TPRG1: variants seen among roughly 807,000 people sequenced by gnomAD.
TPRG1 encodes the protein tumor protein p63-regulated gene 1 protein.
A neutral mutation model predicts 29.3 loss-of-function variants in TPRG1; 29 were observed. That is an observed-to-expected ratio of 0.99 (90% confidence interval 0.74 to 1.35). The LOEUF is 1.35. Among genes scored for constraint, TPRG1 ranks in the 40% most tolerant of loss-of-function variants. The probability of loss-of-function intolerance (pLI) is 0.00; values close to 1 mark genes in which losing one functional copy is unlikely to be tolerated. For synonymous variants in TPRG1, 130 were observed against 116.8 expected, an observed-to-expected ratio of 1.11 and a Z score of -0.73; for missense variants, 327 against 335.0, an observed-to-expected ratio of 0.98 and a Z score of 0.19.
chr3:189,035,488 T>A (rs1714203642), intron 4 of TPRG1, among the ~76,000 whole-genome samples: 2 of 152,090 alleles, frequency 1.3e-5, no homozygotes, highest in African/African-American at 4.8e-5. Flanking sequence ...AAACTGTCAA[T>A]AAACAGGCAT....
intron 4 of TPRG1, among the ~76,000 whole-genome samples, chr3:189,150,042 C>T (rs541751798): frequency 3.3e-4 from 51 of 152,326 alleles, no homozygotes; most frequent in African/African-American, 1.2e-3. Flanking sequence ...ATTCGATAAA[C>T]AATAACCCAG....
chr3:189,303,224 TA>T (rs1246334703), intron 4 of TPRG1, among the ~76,000 whole-genome samples: 2 of 152,202 alleles, frequency 1.3e-5, no homozygotes, highest in African/African-American at 4.8e-5. Flanking sequence ...TTTTTTTGGA[TA>T]ACTTTATTAA....
At chr3:189,048,716 C>T (rs935337472) in intron 4 of TPRG1, among the ~76,000 whole-genome samples, 10 of 152,112 alleles carry the variant, frequency 6.6e-5, no homozygotes, top group African/African-American at 1.9e-4. Context: ...ACCTCCAGAT[C>T]GACTGCAAGA....
chr3:189,022,086 C>T (rs1185221081), intron 3 of TPRG1, among the ~76,000 whole-genome samples: 2 of 152,044 alleles, frequency 1.3e-5, no homozygotes, highest in African/African-American at 2.4e-5. Context: ...GCTCCATCAG[C>T]TCCTTTAAGC....
At chr3:189,049,773 G>A (rs1715200274) in intron 4 of TPRG1, among the ~76,000 whole-genome samples, 1 of 152,192 alleles carries the variant, frequency 6.6e-6, no homozygotes. Flanking sequence ...CACCAGAAAA[G>A]GTGCTGGTAT....
chr3:189,292,299 T>C (rs1260175605), intron 4 of TPRG1, among the ~76,000 whole-genome samples: 1 of 151,652 alleles, frequency 6.6e-6, no homozygotes, highest in Non-Finnish European at 1.5e-5. Flanking sequence ...TTGCTTTTTT[T>C]TTTTTTTTTG....
rs60789349 is a variant in TPRG1 at position 189,148,409 on chromosome 3, C to T, written c.-227+762C>T. ...ATAAGTACTATTTTAAGAAAAGGTG[C>T]CGAGTGTTATCAAAGCAGAGGACCT... On this transcript the variant is annotated intron_variant, in intron 4 of 6. Coordinates refer to the TPRG1 transcript ENST00000412373. Among the ~76,000 whole-genome samples, 1,427 of 152,252 alleles carry T rather than the reference C, an allele frequency of 9.4e-3. 21 individuals carry two copies. The highest frequency in any genetic ancestry group is 0.032 in the African/African-American group (1,341 of 41,528).
chr3:189,068,706 G>A (rs1716619289), intron 4 of TPRG1, among the ~76,000 whole-genome samples: 1 of 152,164 alleles, frequency 6.6e-6, no homozygotes, highest in African/African-American at 2.4e-5. Flanking sequence ...AACCTGGGAG[G>A]CGGAGGTTGC....
At chr3:189,201,091 C>A (rs1015456618) in intron 1 of TPRG1, among the ~76,000 whole-genome samples, 1 of 152,190 alleles carries the variant, frequency 6.6e-6, no homozygotes, top group Non-Finnish European at 1.5e-5. Context: ...CCGCACCAGA[C>A]ACCGATGTGC....
At chr3:189,288,333 T>C (rs1407865320) in intron 4 of TPRG1, among the ~76,000 whole-genome samples, 1 of 152,192 alleles carries the variant, frequency 6.6e-6, no homozygotes, top group Non-Finnish European at 1.5e-5. Flanking sequence ...AGTGAGATTG[T>C]TGTGAGAAGT....
chr3:189,207,185 G>A (rs1032530042), intron 1 of TPRG1, 191 bp from the exon 2 acceptor site: 9 of 984,454 alleles, frequency 9.1e-6, no homozygotes, highest in Admixed American at 6.2e-5. Flanking sequence ...AAATGACCTT[G>A]CAGGATTGTG....
At chr3:189,285,552 C>G (rs1365349547) in intron 4 of TPRG1, among the ~76,000 whole-genome samples, 3 of 152,216 alleles carry the variant, frequency 2.0e-5, no homozygotes, top group African/African-American at 7.2e-5. Context: ...GATTATTAGA[C>G]TAATGTCCAT....
chr3:189,088,616 T>G (rs1308959465), intron 4 of TPRG1, among the ~76,000 whole-genome samples: 2 of 152,218 alleles, frequency 1.3e-5, no homozygotes, highest in Non-Finnish European at 2.9e-5. Flanking sequence ...TTCAGTTACT[T>G]ACAAATGTAA....
chr3:189,258,557 A>G (rs1299214752), intron 4 of TPRG1, among the ~76,000 whole-genome samples: 3 of 152,186 alleles, frequency 2.0e-5, no homozygotes, highest in Non-Finnish European at 4.4e-5. Flanking sequence ...TGCTCTCGTC[A>G]GAGCTGGCAG....
At position 189,215,298 on chromosome 3, in the gene TPRG1, G is replaced by T. The variant is rs780442896; in HGVS notation, c.217G>T (p.Ala73Ser). The change falls in exon 3 of 6, where the codon GCC becomes TCC. Residue 73 changes from alanine to serine, a missense_variant. Ala to Ser is a moderately conservative substitution (Grantham distance 99). Coordinates refer to ENST00000345063, the MANE Select transcript of TPRG1 (RefSeq NM_198485.4). ...TTTTCTCCTTTCCACACAGCCGGGG[G>T]CCATTGAGACTGCCATGGAAGACTT... Reference protein sequence around the residue: ...SRKYFATRPGAIETAMEDLKG... With the variant: ...SRKYFATRPGSIETAMEDLKG... 9.3e-6 allele frequency: 15 copies of T among 1,611,900 alleles called. No individual in the cohort carries two copies. In the South Asian group the frequency reaches 1.4e-4, roughly 15 times the overall value.
chr3:189,102,185 G>A (rs1433172397), intron 1 of TPRG1, among the ~76,000 whole-genome samples: 2 of 152,116 alleles, frequency 1.3e-5, no homozygotes, highest in Non-Finnish European at 2.9e-5. Flanking sequence ...TAGTGTTATT[G>A]TAGAAAACAT....
At chr3:189,126,399 C>A (rs1722498594) in intron 1 of TPRG1, among the ~76,000 whole-genome samples, 1 of 152,166 alleles carries the variant, frequency 6.6e-6, no homozygotes, top group South Asian at 2.1e-4. Flanking sequence ...GGCTTAACTC[C>A]TAGTTTTGCC....
chr3:189,076,561 A>G (rs768843896), intron 4 of TPRG1, among the ~76,000 whole-genome samples: 2 of 152,242 alleles, frequency 1.3e-5, no homozygotes, highest in African/African-American at 2.4e-5. Context: ...ATACTTGTAT[A>G]AAAACAGAAT....
intron 1 of TPRG1, among the ~76,000 whole-genome samples, chr3:189,109,782 A>G (rs1289642573): frequency 6.6e-6 from 1 of 152,128 alleles, no homozygotes; most frequent in Non-Finnish European, 1.5e-5. Flanking sequence ...CACCACAATC[A>G]ACATGTAGAA....
Sources: allele counts gnomAD v4.1 joint callset (sites outside exome capture counted in the v4.1 genomes callset), GRCh38; gene constraint gnomAD v4.1.1; transcripts MANE v1.5; gene names NCBI Gene and HGNC (gene_info 2026-07-23, HGNC 2026-07-21).